Variants in VKORC1L1 observed in about 807,000 individuals in gnomAD.
VKORC1L1 encodes vitamin K epoxide reductase complex subunit 1-like protein 1.
In VKORC1L1, 2 loss-of-function variants were observed where a neutral mutation model predicts 18.9. The observed-to-expected ratio is 0.11, with a 90% CI of 0.04 to 0.33. The LOEUF (loss-of-function observed/expected upper bound fraction) is 0.33, where lower values mean the gene tolerates loss of function less well. VKORC1L1 is among the 10% of genes least tolerant of loss of function. The pLI is 1.00. For synonymous variants in VKORC1L1, 96 were observed against 100.0 expected, an observed-to-expected ratio of 0.96 and a Z score of 0.24; for missense variants, 123 against 224.1, an observed-to-expected ratio of 0.55 and a Z score of 2.88.
intron 1 of VKORC1L1, among the ~76,000 whole-genome samples, chr7:65,921,199 T>G (rs370895951): frequency 3.3e-5 from 5 of 152,218 alleles, no homozygotes; most frequent in African/African-American, 1.2e-4. Context: ...AGTAGTATTT[T>G]TAGTAGGCAT....
chr7:65,900,951 A>T (rs906108344), intron 1 of VKORC1L1, among the ~76,000 whole-genome samples: 5 of 152,358 alleles, frequency 3.3e-5, no homozygotes, highest in African/African-American at 1.2e-4. Context: ...GAGGTTATGA[A>T]TGAATTTGTG....
chr7:65,904,857 CATT>C (rs1191820836), intron 1 of VKORC1L1, among the ~76,000 whole-genome samples: 2 of 152,156 alleles, frequency 1.3e-5, no homozygotes, highest in Non-Finnish European at 2.9e-5. Flanking sequence ...TTTTCACCAT[CATT>C]AAGTGTACTT....
At chr7:65,943,201 C>T (rs889487158) in intron 1 of VKORC1L1, among the ~76,000 whole-genome samples, 10 of 151,780 alleles carry the variant, frequency 6.6e-5, no homozygotes, top group Non-Finnish European at 1.5e-4. Flanking sequence ...GAGTTCGAGA[C>T]GAGCCTGGCC....
At chr7:65,914,972 C>G (rs1342151487) in intron 1 of VKORC1L1, among the ~76,000 whole-genome samples, 2 of 152,116 alleles carry the variant, frequency 1.3e-5, no homozygotes, top group Non-Finnish European at 2.9e-5. Context: ...TGCTACTGCA[C>G]TCCAGCCTGG....
At chr7:65,878,916 A>G (rs1259876703) in intron 1 of VKORC1L1, among the ~76,000 whole-genome samples, 3 of 152,326 alleles carry the variant, frequency 2.0e-5, no homozygotes, top group South Asian at 2.1e-4. Context: ...TCAAAAAAAA[A>G]GAAAAATTAA....
intron 1 of VKORC1L1, among the ~76,000 whole-genome samples, chr7:65,919,866 G>A (rs1216535262): frequency 6.6e-6 from 1 of 152,100 alleles, no homozygotes; most frequent in Admixed American, 6.5e-5. Context: ...GACCATCCTG[G>A]CTGACACAGT....
intron 1 of VKORC1L1, among the ~76,000 whole-genome samples, chr7:65,919,672 G>C (rs1335402635): frequency 2.0e-5 from 3 of 152,044 alleles, no homozygotes; most frequent in African/African-American, 7.2e-5. Context: ...CTCTCTGCTG[G>C]GATCATTGCA....
At chr7:65,908,361 C>T (rs534275563) in intron 1 of VKORC1L1, among the ~76,000 whole-genome samples, 2 of 152,054 alleles carry the variant, frequency 1.3e-5, no homozygotes, top group East Asian at 1.9e-4. Flanking sequence ...TGCAGTGAGC[C>T]GAGATCGCGC....
In VKORC1L1 at chr7:65,909,342, A is replaced by G. The variant is rs77137123; in HGVS notation, c.194+35777A>G. 1.9e-3 allele frequency among the ~76,000 whole-genome samples: 285 copies of G among 151,870 alleles called. 3 individuals are homozygous for G. Among genetic ancestry groups the G allele is most frequent in the African/African-American group, 6.7e-3 (277 of 41,448 alleles). ...CTTTGCTATGTTTTGATTTAATAAT[A>G]CTCTTAAGTAGAGAAACCATTGTTA... On this transcript the variant is annotated intron_variant, in intron 1 of 2. Transcript: ENST00000360768.
intron 1 of VKORC1L1, among the ~76,000 whole-genome samples, chr7:65,905,169 GT>G (rs1277677939): frequency 6.6e-6 from 1 of 151,950 alleles, no homozygotes; most frequent in Non-Finnish European, 1.5e-5. Flanking sequence ...ACTTTTAATC[GT>G]GAACATTTGG....
intron 1 of VKORC1L1, among the ~76,000 whole-genome samples, chr7:65,929,048 G>C (rs1343541010): frequency 1.3e-5 from 2 of 152,148 alleles, no homozygotes; most frequent in African/African-American, 4.8e-5. Context: ...TGACTTGTTT[G>C]TTTAAATCTT....
chr7:65,951,713 G>A (rs575030464), intron 2 of VKORC1L1, among the ~76,000 whole-genome samples: 28 of 151,962 alleles, frequency 1.8e-4, no homozygotes, highest in Non-Finnish European at 2.9e-4. Context: ...ATGCATATAC[G>A]AGAAAGTACA....
At chr7:65,936,803 C>G (rs1450126561) in intron 1 of VKORC1L1, among the ~76,000 whole-genome samples, 3 of 152,216 alleles carry the variant, frequency 2.0e-5, no homozygotes, top group East Asian at 3.8e-4. Context: ...ATGGGTTTCT[C>G]TCAGACAGTT....
At chr7:65,920,835 A>T (rs1005562156) in intron 1 of VKORC1L1, among the ~76,000 whole-genome samples, 1 of 151,972 alleles carries the variant, frequency 6.6e-6, no homozygotes, top group Non-Finnish European at 1.5e-5. Flanking sequence ...TTAGAAAAAA[A>T]AAAAGACAGA....
rs144374905 is a variant in VKORC1L1 at position 65,940,073 on chromosome 7, G to A, written c.195-8598G>A. Among the ~76,000 whole-genome samples, 525 of 151,894 alleles carry A rather than the reference G, an allele frequency of 3.5e-3. 6 individuals carry two copies. Among genetic ancestry groups the A allele is most frequent in the South Asian group, 0.021 (102 of 4,796 alleles). ...AGGGTCTCACTCTGTCACCCAGGCCGGAATGGAGCGATGTGATCCTTGTTC... is the reference window on the plus strand; with the variant it reads ...AGGGTCTCACTCTGTCACCCAGGCCAGAATGGAGCGATGTGATCCTTGTTC... On this transcript the variant is annotated intron_variant, in intron 1 of 2. Transcript: ENST00000360768.
Position 65,959,355 on chromosome 7 carries a change from C to CTAT in VKORC1L1, c.*5058_*5060dup, listed in dbSNP as rs1373476584. Reference sequence around the variant, plus strand: ...TAATTTGTAAACCATTTAAATGTGTCTATTACATTTAACTTTTCTTAATGT... The same window carrying CTAT: ...TAATTTGTAAACCATTTAAATGTGTCTATTATTACATTTAACTTTTCTTAATGT... On this transcript the variant is annotated 3_prime_UTR_variant, in exon 3 of 3. Transcript: ENST00000360768. 1 of 152,142 alleles carries CTAT rather than the reference C, an allele frequency of 6.6e-6. No individual in the cohort carries two copies. Among genetic ancestry groups the CTAT allele is most frequent in the African/African-American group, 2.4e-5 (1 of 41,426 alleles). The allele number at this position is 152,142 out of a possible 1,614,324, so 9.4% of individuals were successfully genotyped here.
chr7:65,891,644 A>G (rs1464777054), intron 1 of VKORC1L1, among the ~76,000 whole-genome samples: 1 of 152,126 alleles, frequency 6.6e-6, no homozygotes, highest in Non-Finnish European at 1.5e-5. Flanking sequence ...CTCTTCACTA[A>G]CAGAATTTTT....
intron 1 of VKORC1L1, among the ~76,000 whole-genome samples, chr7:65,932,107 T>A (rs1424930673): frequency 1.3e-5 from 2 of 152,134 alleles, no homozygotes; most frequent in Non-Finnish European, 2.9e-5. Flanking sequence ...TTGTTGTTGT[T>A]GTTGTTTTGA....
At chr7:65,891,833 A>G (rs1486923235) in intron 1 of VKORC1L1, among the ~76,000 whole-genome samples, 3 of 152,176 alleles carry the variant, frequency 2.0e-5, no homozygotes, top group Non-Finnish European at 4.4e-5. Flanking sequence ...TCTTTTAGTC[A>G]TTTTGAAATA....
Sources: allele counts gnomAD v4.1 joint callset (sites outside exome capture counted in the v4.1 genomes callset), GRCh38; gene constraint gnomAD v4.1.1; transcripts MANE v1.5; gene names NCBI Gene and HGNC (gene_info 2026-07-23, HGNC 2026-07-21).